ETV1: variants seen among roughly 807,000 people sequenced by gnomAD.
ETV1 encodes ETS translocation variant 1.
In ETV1, 27 loss-of-function variants were observed where a neutral mutation model predicts 62.3. The ratio of observed to expected loss-of-function variants is 0.43; its 90% CI spans 0.32 to 0.60. The LOEUF is 0.60. Among genes scored for constraint, ETV1 ranks in the 20% least tolerant of loss-of-function variants. The pLI, the probability that ETV1 is intolerant of heterozygous loss-of-function variation, is 0.06. For missense variants in ETV1, 605 were observed against 605.8 expected (o/e 1.00, Z 0.01); for synonymous variants, 222 against 199.6 (o/e 1.11, Z -0.94).
At chr7:13,925,237 G>A (rs1215131706) in intron 9 of ETV1, among the ~76,000 whole-genome samples, 3 of 152,088 alleles carry the variant, frequency 2.0e-5, no homozygotes, top group African/African-American at 7.2e-5. Flanking sequence ...AACCTATTAG[G>A]ATAACAGAAT....
Position 13,900,853 on chromosome 7 carries a change from G to C in ETV1, c.1111-14C>G, listed in dbSNP as rs375798136. ...ACGTCGGGCCACCTGCCGCGAAACAGAATTACATTGTAGTGTTAAGTATTA... is the reference window on the plus strand; with the variant it reads ...ACGTCGGGCCACCTGCCGCGAAACACAATTACATTGTAGTGTTAAGTATTA... On this transcript the variant is annotated splice_polypyrimidine_tract_variant and intron_variant, in intron 12 of 13. Transcript: ENST00000430479. 1 of 1,547,538 alleles carries C rather than the reference G, an allele frequency of 6.5e-7. No homozygotes were observed. The highest frequency in any genetic ancestry group is 8.9e-7 in the Non-Finnish European group (1 of 1,128,558).
At chr7:13,965,616 C>G (rs1462474746) in intron 6 of ETV1, among the ~76,000 whole-genome samples, 1 of 151,792 alleles carries the variant, frequency 6.6e-6, no homozygotes, top group Non-Finnish European at 1.5e-5. Flanking sequence ...TATTTTATGC[C>G]CTGGGTTTCT....
chr7:13,930,482 C>T (rs761212560), intron 9 of ETV1, among the ~76,000 whole-genome samples: 14 of 150,784 alleles, frequency 9.3e-5, no homozygotes, highest in East Asian at 8.0e-4. Context: ...CCAGCATGCC[C>T]GGTTAATTTT....
At chr7:13,972,295 G>A (rs192965708) in intron 6 of ETV1, among the ~76,000 whole-genome samples, 1 of 152,014 alleles carries the variant, frequency 6.6e-6, no homozygotes, top group Non-Finnish European at 1.5e-5. Flanking sequence ...GGCCGGGCAT[G>A]GTGGTGCGTG....
intron 9 of ETV1, among the ~76,000 whole-genome samples, chr7:13,918,479 C>T (rs1784445813): frequency 6.6e-6 from 1 of 151,878 alleles, no homozygotes; most frequent in South Asian, 2.1e-4. Flanking sequence ...TGGAACCAAC[C>T]CAAATGTCCA....
chr7:13,944,602 A>G (rs1787941992), intron 6 of ETV1, among the ~76,000 whole-genome samples: 1 of 152,098 alleles, frequency 6.6e-6, no homozygotes, highest in Non-Finnish European at 1.5e-5. Context: ...GCAGGGCATA[A>G]GGATTCTCAA....
intron 5 of ETV1, among the ~76,000 whole-genome samples, chr7:13,984,987 T>C (rs1782406360): frequency 1.3e-5 from 2 of 151,766 alleles, no homozygotes. Flanking sequence ...AGATTCCACA[T>C]TTTAAAATTC....
chr7:13,983,848 G>C (rs905254984), intron 5 of ETV1, among the ~76,000 whole-genome samples: 4 of 151,644 alleles, frequency 2.6e-5, no homozygotes, highest in African/African-American at 9.7e-5. Flanking sequence ...TATTTTTACA[G>C]AGGACTTTAC....
intron 11 of ETV1, chr7:13,907,773 G>T (rs1368999047): frequency 2.2e-6 from 1 of 464,282 alleles, no homozygotes; most frequent in Non-Finnish European, 4.5e-6. Context: ...AGACCAAATT[G>T]CACACTTTCT....
At chr7:13,946,501 C>A (rs940004478) in intron 6 of ETV1, among the ~76,000 whole-genome samples, 1 of 152,158 alleles carries the variant, frequency 6.6e-6, no homozygotes, top group Non-Finnish European at 1.5e-5. Context: ...TTATGGTATT[C>A]CTCATGAAGT....
chr7:13,896,603 C>G (rs1018434053), intron 13 of ETV1, among the ~76,000 whole-genome samples: 1 of 146,966 alleles, frequency 6.8e-6, no homozygotes, highest in Non-Finnish European at 1.5e-5. Flanking sequence ...CACTGATTCA[C>G]AGAATAAATG....
At chr7:13,968,386 G>A (rs1266924677) in intron 6 of ETV1, among the ~76,000 whole-genome samples, 1 of 151,544 alleles carries the variant, frequency 6.6e-6, no homozygotes, top group African/African-American at 2.4e-5. Context: ...TCATCTGGGC[G>A]GTAAGCCTGC....
intron 8 of ETV1, among the ~76,000 whole-genome samples, chr7:13,933,977 T>C (rs1158158867): frequency 6.6e-6 from 1 of 152,228 alleles, no homozygotes; most frequent in African/African-American, 2.4e-5. Flanking sequence ...AAAAAGCGAA[T>C]TATACAATCT....
At chr7:13,987,950 C>T in intron 4 of ETV1, 136 bp downstream of exon 4, 1 of 602,674 alleles carries the variant, frequency 1.7e-6, no homozygotes, top group Middle Eastern at 2.6e-4. Flanking sequence ...TAAATCGTTC[C>T]AAGTTAAAGT....
chr7:13,925,786 G>A (rs1345721373), intron 9 of ETV1, among the ~76,000 whole-genome samples: 2 of 151,510 alleles, frequency 1.3e-5, no homozygotes, highest in African/African-American at 4.9e-5. Flanking sequence ...TTGATCTCCT[G>A]ACCTCGTGAT....
At position 13,896,004 on chromosome 7, in the gene ETV1, T is replaced by C. The variant is rs944330475; in HGVS notation, c.1296A>G (p.Pro432=). The C allele has an allele frequency of 6.2e-7, 1 of 1,613,606 alleles. No homozygotes were observed. Among genetic ancestry groups the C allele is most frequent in the East Asian group, 2.2e-5 (1 of 44,886 alleles). ...GACGTTCCATGTCTGTCTTCAGCAG[T>C]GGACGCTGATTATCTGGAAAGGCCA... is the stretch of plus-strand genomic sequence containing the variant. ...FSMAFPDNQR[P]LLKTDMERHI... is the part of the protein sequence containing the mutation. The change falls in exon 14 of 14, where the codon CCA becomes CCG. Residue 432 remains proline (P), a synonymous_variant. Coordinates refer to ENST00000430479, the MANE Select transcript of ETV1 (RefSeq NM_004956.5).
chr7:13,896,760 G>GAAAGAAAGA (rs1781863669), intron 13 of ETV1, among the ~76,000 whole-genome samples: 3 of 130,358 alleles, frequency 2.3e-5, no homozygotes, highest in Non-Finnish European at 3.2e-5. Context: ...AAGAAAGAAA[G>GAAAGAAAGA]AAAGAAAGAA....
Position 13,891,267 on chromosome 7 carries a change from G to C in ETV1, c.*4599C>G, listed in dbSNP as rs911592725. 4.4e-6 allele frequency: 1 copy of C among 226,604 alleles called. No individual in the cohort carries two copies. The highest frequency in any genetic ancestry group is 2.2e-5 in the African/African-American group (1 of 44,898). 14.0% of individuals were successfully genotyped at this position (226,604 alleles called of 1,614,324 possible). A position where few individuals can be genotyped will look rare whatever the true frequency, so the allele number is the denominator to read the frequency against. ...GGCTTTTATTTTAGATTTAAATTTT[G>C]AGCATATTTAATTTGCTATAATCAT... On this transcript the variant is annotated 3_prime_UTR_variant, in exon 14 of 14. Coordinates refer to ENST00000430479, the MANE Select transcript of ETV1 (RefSeq NM_004956.5).
In ETV1 at chr7:13,909,620, T is replaced by C. The variant is rs772764784; in HGVS notation, c.940+12A>G. On this transcript the variant is annotated intron_variant, in intron 11 of 13. Coordinates refer to ENST00000430479, the MANE Select transcript of ETV1 (RefSeq NM_004956.5). ...AAAAAAATCAGAACTTGAGGCAAAG[T>C]GTAAAACCTACCATCGAATTTTTCT... The C allele has an allele frequency of 6.2e-7, 1 of 1,608,024 alleles. No individual in the cohort carries two copies. Among genetic ancestry groups the C allele is most frequent in the Non-Finnish European group, 8.5e-7 (1 of 1,174,954 alleles).
Sources: gnomAD v4.1 joint callset for allele counts (sites outside exome capture counted in the v4.1 genomes callset) on GRCh38, gnomAD v4.1.1 for gene constraint, MANE v1.5 for transcripts, NCBI Gene and HGNC (gene_info 2026-07-23, HGNC 2026-07-21) for gene names.